The following DDX42 variants were observed in gnomAD, a reference collection of about 807,000 sequenced individuals.
DDX42 encodes ATP-dependent RNA helicase DDX42.
A neutral mutation model predicts 101.5 loss-of-function variants in DDX42; 22 were observed. The ratio of observed to expected loss-of-function variants is 0.22; its 90% confidence interval spans 0.15 to 0.31. DDX42 has a LOEUF of 0.31. Ranked by LOEUF, DDX42 falls within the 10% of genes least tolerant of loss-of-function variation. DDX42 has a pLI of 1.00. For missense variants in DDX42, 849 were observed against 1,199.9 expected, an observed-to-expected ratio of 0.71 and a Z score of 4.32; for synonymous variants, 402 against 401.2, an observed-to-expected ratio of 1.00 and a Z score of -0.02.
chr17:63,785,968 A>G (rs982089223), intron 1 of DDX42, among the ~76,000 whole-genome samples: 31 of 152,196 alleles, frequency 2.0e-4, no homozygotes, highest in Non-Finnish European at 2.9e-5. Context: ...TCATATAAGG[A>G]TGAAGATATT....
intron 2 of DDX42, among the ~76,000 whole-genome samples, chr17:63,789,772 C>G (rs556536514): frequency 4.0e-5 from 6 of 150,630 alleles, no homozygotes; most frequent in Admixed American, 2.7e-4. Context: ...AGGGATTCTC[C>G]GTGTTGGCCA....
intron 1 of DDX42, among the ~76,000 whole-genome samples, chr17:63,786,023 C>G (rs1157565968): frequency 6.6e-6 from 1 of 152,106 alleles, no homozygotes; most frequent in Non-Finnish European, 1.5e-5. Context: ...TCAGATTCCC[C>G]AAAATATTTC....
Position 63,818,640 on chromosome 17 carries a change from C to A in DDX42, c.*242C>A. 1 of 487,582 alleles carries A rather than the reference C, an allele frequency of 2.1e-6. No homozygotes were observed. The highest frequency in any genetic ancestry group is 3.7e-6 in the Non-Finnish European group (1 of 271,148). 30.2% of individuals were successfully genotyped at this position (487,582 alleles called of 1,614,324 possible). On this transcript the variant is annotated 3_prime_UTR_variant, in exon 18 of 18. Coordinates refer to ENST00000389924, the MANE Select transcript of DDX42 (RefSeq NM_203499.3). Reference sequence around the variant, plus strand: ...CTTCTTTTGGCTCTAGGTGAGTTGTCATGTGGGTAAGTTGAGGTTATCTTG... The same window carrying A: ...CTTCTTTTGGCTCTAGGTGAGTTGTAATGTGGGTAAGTTGAGGTTATCTTG...
chr17:63,787,099 G>A lies in DDX42; in HGVS notation c.50G>A (p.Gly17Glu), dbSNP rs759838990. The change falls in exon 2 of 18, where the codon GGA (glycine) becomes GAA (glutamate). Residue 17 changes from glycine to glutamate, a missense_variant. Gly to Glu is a moderately conservative substitution (Grantham distance 98, BLOSUM62 -2). This residue lies in a region of DDX42 where 92 missense variants were observed against 106.7 expected (regional missense o/e 0.86). Coordinates refer to ENST00000389924, the MANE Select transcript of DDX42 (RefSeq NM_203499.3). ...GPGTKRGFGF[G>E]GFAISAGKKE... ...GGCACTAAGCGAGGATTTGGCTTTG[G>A]AGGTTTTGCCATCAGTGCTGGGAAA... 3.7e-6 allele frequency: 6 copies of A among 1,614,230 alleles called. No homozygotes were observed. In the East Asian group the frequency reaches 1.3e-4, roughly 36 times the overall value.
intron 15 of DDX42, among the ~76,000 whole-genome samples, chr17:63,815,229 T>A (rs866950899): frequency 6.6e-5 from 10 of 152,222 alleles, no homozygotes; most frequent in African/African-American, 2.4e-4. Flanking sequence ...AAATAAAATA[T>A]AAGCTCATTT....
chr17:63,786,730 T>C (rs755154055), intron 1 of DDX42, among the ~76,000 whole-genome samples: 5 of 152,238 alleles, frequency 3.3e-5, no homozygotes, highest in Non-Finnish European at 7.3e-5. Flanking sequence ...CAGGCTGGAG[T>C]GCAGTGGCAC....
chr17:63,806,473 G>T, intron 7 of DDX42, 62 bp from the exon 8 acceptor site: 1 of 1,516,716 alleles, frequency 6.6e-7, no homozygotes, highest in South Asian at 1.3e-5. Context: ...AAGTATTGTT[G>T]AACTTCAAAT....
chr17:63,812,195 C>T lies in DDX42; in HGVS notation c.1662C>T (p.Ala554=). The T allele has an allele frequency of 3.1e-6, 5 of 1,612,448 alleles. No individual in the cohort carries two copies. Among genetic ancestry groups the T allele is most frequent in the Admixed American group, 1.7e-5 (1 of 59,792 alleles). ...AAAAGGACATCCCAGTCCTGGTGGC[C>T]ACAGATGTTGCAGGTAGAGTATGAA... is the stretch of plus-strand genomic sequence containing the variant. The part of the protein sequence containing the change: ...FKKKDIPVLV[A]TDVAARGLDI... Residue 554 remains alanine, a synonymous_variant, in exon 14 of 18, where the codon GCC becomes GCT. Transcript: ENST00000389924.
chr17:63,779,485 A>G (rs983030658), intron 1 of DDX42, among the ~76,000 whole-genome samples: 2 of 152,104 alleles, frequency 1.3e-5, no homozygotes, highest in Non-Finnish European at 2.9e-5. Context: ...GCTGACCTCT[A>G]ACTCCTGAGC....
chr17:63,786,445 A>G (rs896823134), intron 1 of DDX42, among the ~76,000 whole-genome samples: 2 of 152,128 alleles, frequency 1.3e-5, no homozygotes, highest in African/African-American at 4.8e-5. Flanking sequence ...TTTTAATGTA[A>G]AAAGAGACAA....
intron 2 of DDX42, among the ~76,000 whole-genome samples, chr17:63,789,806 C>T (rs1460262247): frequency 6.6e-6 from 1 of 151,958 alleles, no homozygotes; most frequent in African/African-American, 2.4e-5. Flanking sequence ...CTCGTAACCT[C>T]AGGTGATCTG....
rs755181617 is a variant in DDX42, at chr17:63,816,905, C to T, written c.2051C>T (p.Ala684Val). 1 of 1,613,846 alleles carries T rather than the reference C, an allele frequency of 6.2e-7. No individual in the cohort carries two copies. The highest frequency in any genetic ancestry group is 8.5e-7 in the Non-Finnish European group (1 of 1,179,924). ...AACAATGTAATGAGCAATTATGAGG[C>T]CTACAAGCCTTCCACAGGAGCTATG... is the stretch of plus-strand genomic sequence containing the variant. ...GNNNVMSNYE[A>V]YKPSTGAMGD... Residue 684 changes from alanine (A) to valine (V), a missense_variant, in exon 17 of 18, where the codon GCC becomes GTC. Ala to Val is a moderately conservative substitution (Grantham distance 64, BLOSUM62 0). Around this residue, in one of 5 missense-constraint regions of DDX42, gnomAD observed 86 missense variants for 160.8 expected, o/e 0.53. Coordinates refer to ENST00000389924, the MANE Select transcript of DDX42 (RefSeq NM_203499.3).
chr17:63,789,620 C>T (rs2144542722), intron 2 of DDX42, among the ~76,000 whole-genome samples: 1 of 131,266 alleles, frequency 7.6e-6, no homozygotes. Flanking sequence ...GTTGCCCAGG[C>T]TGGAGTGCAG....
chr17:63,810,884 TG>T (rs1439067934), intron 12 of DDX42, among the ~76,000 whole-genome samples, 191 bp from the exon 13 acceptor site: 2 of 152,230 alleles, frequency 1.3e-5, no homozygotes, highest in African/African-American at 4.8e-5. Flanking sequence ...ACTGACAACT[TG>T]TCTTAACTAA....
At chr17:63,776,156 A>G (rs2039418469) in intron 1 of DDX42, 1 of 152,274 alleles carries the variant, frequency 6.6e-6, no homozygotes, top group Admixed American at 6.5e-5. Context: ...TGTGGCTTAT[A>G]TAATCAGTTG....
intron 1 of DDX42, among the ~76,000 whole-genome samples, chr17:63,785,535 G>C (rs113433971): frequency 1.4e-5 from 1 of 72,798 alleles, no homozygotes; most frequent in Non-Finnish European, 2.4e-5. Flanking sequence ...GCAGATGTGA[G>C]AGGGGGGGGT....
At chr17:63,787,610 G>T (rs1264272601) in intron 2 of DDX42, among the ~76,000 whole-genome samples, 1 of 152,116 alleles carries the variant, frequency 6.6e-6, no homozygotes, top group East Asian at 1.9e-4. Context: ...AGGCCGAGAC[G>T]GATGGATCAT....
chr17:63,799,671 G>A (rs375279402), intron 5 of DDX42, 46 bp downstream of exon 5: 4 of 1,590,518 alleles, frequency 2.5e-6, no homozygotes, highest in Non-Finnish European at 3.4e-6. Context: ...TATCCACAAA[G>A]TCTATACTGG....
intron 1 of DDX42, among the ~76,000 whole-genome samples, chr17:63,781,799 A>T (rs573288777): frequency 3.2e-4 from 49 of 152,004 alleles, no homozygotes; most frequent in African/African-American, 1.1e-3. Context: ...TCACGAGGCC[A>T]GGAGATCGAG....
Sources: gnomAD v4.1 joint callset for allele counts (sites outside exome capture counted in the v4.1 genomes callset) on GRCh38, gnomAD v4.1.1 for gene constraint, gnomAD v4.1.1 regional missense constraint, MANE v1.5 for transcripts, NCBI Gene and HGNC (gene_info 2026-07-23, HGNC 2026-07-21) for gene names.